PHACTR1: variants seen among roughly 807,000 people sequenced by gnomAD.
PHACTR1 encodes phosphatase and actin regulator 1.
In PHACTR1, 16 loss-of-function variants were observed where a neutral mutation model predicts 69.2. That is an observed-to-expected ratio of 0.23 (90% CI 0.16 to 0.35). The LOEUF (loss-of-function observed/expected upper bound fraction) is 0.35, where lower values mean the gene tolerates loss of function less well. Among genes scored for constraint, PHACTR1 ranks in the 10% least tolerant of loss-of-function variants. The pLI, the probability that PHACTR1 is intolerant of heterozygous loss-of-function variation, is 1.00. For missense variants in PHACTR1, 510 were observed against 734.7 expected (o/e 0.69, Z 3.54); for synonymous variants, 312 against 284.5 (o/e 1.10, Z -0.97).
At chr6:12,784,998 C>T (rs1048539659) in intron 4 of PHACTR1, among the ~76,000 whole-genome samples, 15 of 151,530 alleles carry the variant, frequency 9.9e-5, no homozygotes, top group South Asian at 4.2e-4. Flanking sequence ...TGTCAGCCAC[C>T]GAGCCAGGCC....
At chr6:12,763,420 C>A (rs1768259512) in intron 4 of PHACTR1, among the ~76,000 whole-genome samples, 1 of 152,172 alleles carries the variant, frequency 6.6e-6, no homozygotes, top group South Asian at 2.1e-4. Context: ...TGAACAATTT[C>A]TGTTGTAAAG....
chr6:12,801,909 G>C (rs1181105521), intron 4 of PHACTR1, among the ~76,000 whole-genome samples: 1 of 151,980 alleles, frequency 6.6e-6, no homozygotes, highest in South Asian at 2.1e-4. Flanking sequence ...TTTCCGAGGA[G>C]TGACTAAATA....
At chr6:12,952,653 C>T (rs770037366) in intron 4 of PHACTR1, among the ~76,000 whole-genome samples, 11 of 152,188 alleles carry the variant, frequency 7.2e-5, no homozygotes, top group Non-Finnish European at 1.6e-4. Context: ...CAACTTTTGG[C>T]AATTATGCAT....
At chr6:12,718,970 A>G (rs1389845106) in intron 3 of PHACTR1, 123 bp downstream of exon 3, 1 of 494,194 alleles carries the variant, frequency 2.0e-6, no homozygotes, top group Non-Finnish European at 3.6e-6. Flanking sequence ...CTAAGTTGAT[A>G]ACCTCTACCA....
rs183162455 is a variant in PHACTR1 at position 13,101,903 on chromosome 6, C to T, written c.415+48374C>T. 3.8e-4 allele frequency among the ~76,000 whole-genome samples: 58 copies of T among 152,230 alleles called. 1 individual carries two copies. The East Asian group carries it at 9.8e-3, about 26-fold the overall frequency. On this transcript the variant is annotated intron_variant, in intron 5 of 14. Transcript: ENST00000332995. ...ACCCACCTATTCATGGAGGGAGCCT[C>T]GTGGGTAAAGCCAGATGCATAGAAT...
intron 5 of PHACTR1, among the ~76,000 whole-genome samples, chr6:13,122,768 A>T (rs181285300): frequency 2.0e-5 from 3 of 152,362 alleles, no homozygotes; most frequent in Admixed American, 6.5e-5. Context: ...TTTTAGGGCC[A>T]TCGGAAGGAC....
intron 10 of PHACTR1, among the ~76,000 whole-genome samples, chr6:13,269,547 TTGAC>T (rs1203330713): frequency 1.6e-4 from 25 of 152,288 alleles, no homozygotes; most frequent in African/African-American, 5.8e-4. Context: ...AAAACAAACT[TTGAC>T]TGGGAGCAGT....
intron 5 of PHACTR1, among the ~76,000 whole-genome samples, chr6:13,144,562 A>G (rs147517179): frequency 0.01 from 1,567 of 152,148 alleles, 13 homozygotes; most frequent in Non-Finnish European, 0.016. Context: ...TCTAATAAAA[A>G]CCCCAATAGG....
intron 4 of PHACTR1, among the ~76,000 whole-genome samples, chr6:13,013,644 A>G (rs904738001): frequency 1.3e-5 from 2 of 151,984 alleles, no homozygotes; most frequent in Non-Finnish European, 2.9e-5. Context: ...GGAGCTTCTC[A>G]GGTAGGACCC....
At chr6:12,924,797 T>G (rs1475615428) in intron 4 of PHACTR1, among the ~76,000 whole-genome samples, 1 of 150,250 alleles carries the variant, frequency 6.7e-6, no homozygotes, top group Non-Finnish European at 1.5e-5. Context: ...AAAAAAAATT[T>G]AAACTATAGT....
At chr6:13,151,597 A>G (rs1824317303) in intron 5 of PHACTR1, among the ~76,000 whole-genome samples, 1 of 152,250 alleles carries the variant, frequency 6.6e-6, no homozygotes, top group Admixed American at 6.5e-5. Context: ...TAAATAAATC[A>G]TAGTACCTAC....
intron 4 of PHACTR1, among the ~76,000 whole-genome samples, chr6:12,980,337 A>G (rs1795365312): frequency 6.6e-6 from 1 of 152,092 alleles, no homozygotes; most frequent in Admixed American, 6.6e-5. Flanking sequence ...TCTGCCCACT[A>G]GCCTTAAAGT....
At position 12,721,276 on chromosome 6, in the gene PHACTR1, C is replaced by T. The variant is rs370579386; in HGVS notation, c.103+2429C>T. ...TGGCATGCCTGTAATCCCAGCTACT[C>T]GGGAGGCTAAGGTAGGAGAATCGCT... On this transcript the variant is annotated intron_variant, in intron 3 of 14. Coordinates refer to ENST00000332995, the MANE Select transcript of PHACTR1 (RefSeq NM_030948.6). 1.8e-4 allele frequency among the ~76,000 whole-genome samples: 27 copies of T among 151,946 alleles called. No individual in the cohort carries two copies. The East Asian group carries it at 2.3e-3, about 13-fold the overall frequency.
intron 5 of PHACTR1, among the ~76,000 whole-genome samples, chr6:13,099,481 C>G (rs1040000799): frequency 6.6e-6 from 1 of 152,170 alleles, no homozygotes; most frequent in Non-Finnish European, 1.5e-5. Flanking sequence ...CTTTTAGAGC[C>G]ACTGATGGTG....
Position 13,287,436 on chromosome 6 carries a change from T to A in PHACTR1, c.*358T>A, listed in dbSNP as rs1409864098. 1 of 286,624 alleles carries A rather than the reference T, an allele frequency of 3.5e-6. No individual in the cohort carries two copies. The highest frequency in any genetic ancestry group is 6.6e-6 in the Non-Finnish European group (1 of 151,708). The allele number at this position is 286,624 out of a possible 1,614,324, so 17.8% of individuals were successfully genotyped here. On this transcript the variant is annotated 3_prime_UTR_variant, in exon 15 of 15. Transcript: ENST00000332995. ...CTTCATGAAGTCTCCAGCAAACCTC[T>A]TCCTCACAAGTGTCTGTCATCTGAG...
chr6:12,874,688 G>A (rs937527568), intron 4 of PHACTR1, among the ~76,000 whole-genome samples: 1 of 152,190 alleles, frequency 6.6e-6, no homozygotes, highest in African/African-American at 2.4e-5. Flanking sequence ...GTATCAAACT[G>A]AAAGAACCTC....
intron 3 of PHACTR1, among the ~76,000 whole-genome samples, chr6:12,733,054 T>C (rs375335399): frequency 2.0e-5 from 3 of 152,336 alleles, no homozygotes; most frequent in South Asian, 4.1e-4. Flanking sequence ...CTTCTTAGAC[T>C]CATACATTTA....
At chr6:12,754,541 C>T (rs76398835) in intron 4 of PHACTR1, among the ~76,000 whole-genome samples, 3,456 of 152,232 alleles carry the variant, frequency 0.023, 119 homozygotes, top group East Asian at 0.082. Flanking sequence ...GTGTAGAAGC[C>T]TTCCCTCCTT....
rs142539799 is a variant in PHACTR1, at chr6:13,032,180, A to G, written c.251-21185A>G. Among the ~76,000 whole-genome samples, 356 of 152,322 alleles carry G rather than the reference A, an allele frequency of 2.3e-3. 10 individuals carry two copies. The East Asian group carries it at 0.063, about 27-fold the overall frequency. ...ATTTTGCCAACTCATTCCTTAGTCT[A>G]TTCTATATTTACCATTTGTTAAAGA... On this transcript the variant is annotated intron_variant, in intron 4 of 14. Coordinates refer to ENST00000332995, the MANE Select transcript of PHACTR1 (RefSeq NM_030948.6).
Sources: gnomAD v4.1 joint callset for allele counts (sites outside exome capture counted in the v4.1 genomes callset) on GRCh38, gnomAD v4.1.1 for gene constraint, MANE v1.5 for transcripts, NCBI Gene and HGNC (gene_info 2026-07-23, HGNC 2026-07-21) for gene names.